The following AHCTF1 variants were observed in gnomAD, a reference collection of about 807,000 sequenced individuals.
The protein encoded by AHCTF1 is protein ELYS.
In AHCTF1, 24 loss-of-function variants were observed where a neutral mutation model predicts 248.4. That is an observed-to-expected ratio of 0.10 (90% confidence interval 0.07 to 0.14). AHCTF1 has a LOEUF of 0.14. AHCTF1 is among the 10% of genes least tolerant of loss of function. The pLI, the probability that AHCTF1 is intolerant of heterozygous loss-of-function variation, is 1.00. For synonymous variants in AHCTF1, 786 were observed against 929.8 expected, an observed-to-expected ratio of 0.85 and a Z score of 2.81; for missense variants, 2,206 against 2,636.2, an observed-to-expected ratio of 0.84 and a Z score of 3.57.
At position 246,888,101 on chromosome 1, in the gene AHCTF1, T is replaced by C. The variant is rs1204703113; in HGVS notation, c.2325+76A>G. On this transcript the variant is annotated intron_variant, in intron 19 of 35. Transcript: ENST00000648844. ...CAAAATTCAACCTTGCAATTAGATA[T>C]GTCAGGTTTCCACTACTCTTGAAAT... The C allele has an allele frequency of 6.0e-6, 9 of 1,494,798 alleles. No individual in the cohort carries two copies. The East Asian group carries it at 1.8e-4, about 30-fold the overall frequency. The allele number at this position is 1,494,798 out of a possible 1,614,324, so 92.6% of individuals were successfully genotyped here.
chr1:246,877,185 C>T lies in AHCTF1; in HGVS notation c.2778G>A (p.Leu926=), dbSNP rs762221394. The change falls in exon 22 of 36, where the codon CTG becomes CTA. Residue 926 remains leucine, a synonymous_variant. Transcript: ENST00000648844. ...CQEMGLMEDL[L]KLPFTDTEQE... ...GCTCAGTGTCTGTAAATGGTAACTT[C>T]AGTAAATCTTCCATCAAGCCCATTT... The T allele has an allele frequency of 1.9e-6, 3 of 1,612,986 alleles. No individual in the cohort carries two copies. The South Asian group carries it at 3.3e-5, about 18-fold the overall frequency.
Position 246,898,352 on chromosome 1 carries a change from T to C in AHCTF1, c.1495-16A>G. 1.2e-6 allele frequency: 2 copies of C among 1,604,162 alleles called. No homozygotes were observed. The highest frequency in any genetic ancestry group is 8.5e-7 in the Non-Finnish European group (1 of 1,175,078). On this transcript the variant is annotated splice_polypyrimidine_tract_variant and intron_variant, in intron 11 of 35. Transcript: ENST00000648844. The stretch of plus-strand genomic sequence containing the variant: ...AAGTCAAAGTCTGTAACAGATAAAT[T>C]AGTAAGGCATCAATCAATGCTCAAT...
chr1:246,855,843 T>C lies in AHCTF1; in HGVS notation c.4257-16A>G, dbSNP rs1661076719. ...GAAGATTTTCCTTTAGAAAAAGAAA[T>C]ACATACCTTAGTGTGTAAGAAGATC... On this transcript the variant is annotated splice_polypyrimidine_tract_variant and intron_variant, in intron 30 of 35. Transcript: ENST00000648844. 3 of 1,591,496 alleles carry C rather than the reference T, an allele frequency of 1.9e-6. No individual in the cohort carries two copies. In the Admixed American group the frequency reaches 5.0e-5, roughly 27 times the overall value.
chr1:246,925,068 C>T (rs1052991991), intron 1 of AHCTF1, among the ~76,000 whole-genome samples: 3 of 152,136 alleles, frequency 2.0e-5, no homozygotes, highest in Non-Finnish European at 4.4e-5. Context: ...TCCCCTCTGA[C>T]AGCCTTTTAT....
intron 1 of AHCTF1, among the ~76,000 whole-genome samples, chr1:246,930,040 A>G (rs1667231930): frequency 7.0e-6 from 1 of 143,762 alleles, no homozygotes; most frequent in Non-Finnish European, 1.5e-5. Context: ...CAACAGAGCA[A>G]GACCCCGTCT....
At chr1:246,858,524 ACCACAAACACAATAAAGATTTCTGGCCAG>A (rs1661274281) in intron 29 of AHCTF1, among the ~76,000 whole-genome samples, 1 of 152,046 alleles carries the variant, frequency 6.6e-6, no homozygotes, top group African/African-American at 2.4e-5. Context: ...AACCCCACCC[ACCACAAACACAATAAAGATTTCTGGCCAG>A]GCACGGAGGC....
At chr1:246,877,796 T>C (rs1323537622) in intron 21 of AHCTF1, among the ~76,000 whole-genome samples, 1 of 152,132 alleles carries the variant, frequency 6.6e-6, no homozygotes, top group Non-Finnish European at 1.5e-5. Context: ...AATTTGGCAG[T>C]CTCAGACACC....
chr1:246,883,468 T>C (rs985085290), intron 21 of AHCTF1, among the ~76,000 whole-genome samples: 2 of 152,190 alleles, frequency 1.3e-5, no homozygotes, highest in African/African-American at 4.8e-5. Flanking sequence ...TTCCTTCTGA[T>C]AAAAATGAAG....
rs543414896 is a variant in AHCTF1 at position 246,863,912 on chromosome 1, G to A, written c.3540+12C>T. The A allele has an allele frequency of 1.8e-4, 293 of 1,613,042 alleles. 2 individuals are homozygous for A. The South Asian group carries it at 2.9e-3, about 16-fold the overall frequency. ...TAGTTTGATTGTGAACGCTAGATGCGTAAATACTAACCTTAACTACAAGAG... is the reference window on the plus strand; with the variant it reads ...TAGTTTGATTGTGAACGCTAGATGCATAAATACTAACCTTAACTACAAGAG... On this transcript the variant is annotated intron_variant, in intron 27 of 35. Coordinates refer to ENST00000648844, the MANE Select transcript of AHCTF1 (RefSeq NM_001323342.2).
intron 23 of AHCTF1, 88 bp downstream of exon 23, chr1:246,876,862 C>T (rs1299519567): frequency 6.7e-7 from 1 of 1,484,712 alleles, no homozygotes; most frequent in African/African-American, 1.4e-5. Flanking sequence ...CAGTGGTTAC[C>T]AAACTGTAAG....
At chr1:246,863,620 G>C (rs1213507845) in intron 27 of AHCTF1, among the ~76,000 whole-genome samples, 1 of 152,070 alleles carries the variant, frequency 6.6e-6, no homozygotes, top group Non-Finnish European at 1.5e-5. Context: ...ATCAGAAATG[G>C]AGCTTACATA....
In AHCTF1 at chr1:246,916,160, T is replaced by C; in HGVS notation, c.357A>G (p.Ala119=). 1 of 1,613,136 alleles carries C rather than the reference T, an allele frequency of 6.2e-7. No individual in the cohort carries two copies. Among genetic ancestry groups the C allele is most frequent in the Non-Finnish European group, 8.5e-7 (1 of 1,179,456 alleles). Residue 119 remains alanine (A), a synonymous_variant, in exon 3 of 36, where the codon GCA becomes GCG. Transcript: ENST00000648844. ...YDLGISKVVK[A]VVLPGRVTAI... is the part of the protein sequence containing the mutation. ...TACCTACCCTTCCAGGAAGAACAAC[T>C]GCTTTAACTACTTTTGATATTCCAA...
intron 11 of AHCTF1, 59 bp from the exon 12 acceptor site, chr1:246,898,395 A>G: frequency 3.3e-6 from 5 of 1,499,206 alleles, no homozygotes; most frequent in Non-Finnish European, 4.5e-6. Context: ...ATCAAATTTA[A>G]GATTAATTAA....
intron 29 of AHCTF1, 127 bp downstream of exon 29, chr1:246,860,772 C>T: frequency 7.8e-7 from 1 of 1,283,078 alleles, no homozygotes; most frequent in Non-Finnish European, 1.1e-6. Context: ...TCCCAAAGTG[C>T]TGAGATTAAC....
rs375589160 is a variant in AHCTF1, at chr1:246,864,084, C to T, written c.3380G>A (p.Arg1127Gln). 1.2e-5 allele frequency: 20 copies of T among 1,613,862 alleles called. 1 individual carries two copies. Among genetic ancestry groups the T allele is most frequent in the African/African-American group, 9.3e-5 (7 of 74,886 alleles). Residue 1127 changes from arginine to glutamine, a missense_variant, in exon 27 of 36, where the codon CGG becomes CAG. Transcript: ENST00000648844. ...AATAAACTCCGAACACTGAGAAGGC[C>T]GGGGGACAGGCTGAACAACCAAATC... Reference protein sequence around the residue: ...LLDLVVQPVPRPSQCSEFIQQ... With the variant: ...LLDLVVQPVPQPSQCSEFIQQ...
rs765591066 is a variant in AHCTF1 at position 246,877,196 on chromosome 1, C to T, written c.2767G>A (p.Glu923Lys). The change falls in exon 22 of 36, where the codon GAA (glutamate) becomes AAA (lysine). Residue 923 changes from glutamate (E) to lysine (K), a missense_variant. This residue lies in a region of AHCTF1 where 955 missense variants were observed against 1,055.6 expected (regional missense o/e 0.90). Coordinates refer to ENST00000648844, the MANE Select transcript of AHCTF1 (RefSeq NM_001323342.2). ...YEVCQEMGLM[E>K]DLLKLPFTDT... ...GTAAATGGTAACTTCAGTAAATCTT[C>T]CATCAAGCCCATTTCCTGACAGACT... is the stretch of plus-strand genomic sequence containing the variant. 5.6e-6 allele frequency: 9 copies of T among 1,613,272 alleles called. No individual in the cohort carries two copies. In the South Asian group the frequency reaches 7.7e-5, roughly 14 times the overall value.
chr1:246,925,006 T>C (rs1327422966), intron 1 of AHCTF1, among the ~76,000 whole-genome samples: 1 of 152,130 alleles, frequency 6.6e-6, no homozygotes. Context: ...CCAAAAAAAT[T>C]TTTAGAGAAA....
At chr1:246,888,107 G>A in intron 19 of AHCTF1, 70 bp downstream of exon 19, 1 of 1,531,968 alleles carries the variant, frequency 6.5e-7, no homozygotes, top group Non-Finnish European at 8.9e-7. Flanking sequence ...GATATGTCAG[G>A]TTTCCACTAC....
intron 24 of AHCTF1, among the ~76,000 whole-genome samples, chr1:246,874,359 C>CA (rs1194528866): frequency 6.6e-6 from 1 of 152,146 alleles, no homozygotes; most frequent in Non-Finnish European, 1.5e-5. Flanking sequence ...TATTCCTCTA[C>CA]ATGCCAAGCA....
Sources: gnomAD v4.1 joint callset for allele counts (sites outside exome capture counted in the v4.1 genomes callset) on GRCh38, gnomAD v4.1.1 for gene constraint, gnomAD v4.1.1 regional missense constraint, MANE v1.5 for transcripts, NCBI Gene and HGNC (gene_info 2026-07-23, HGNC 2026-07-21) for gene names.